Variants in CD2AP observed in about 807,000 individuals in gnomAD.
CD2AP encodes the protein CD2 associated protein.
A neutral mutation model predicts 85.1 loss-of-function variants in CD2AP; 46 were observed. That is an observed-to-expected ratio of 0.54 (90% CI 0.43 to 0.69). The LOEUF (loss-of-function observed/expected upper bound fraction) is 0.69, where lower values mean the gene tolerates loss of function less well. CD2AP is among the 30% of genes least tolerant of loss of function. The probability of loss-of-function intolerance (pLI) is 0.00; values close to 1 mark genes in which losing one functional copy is unlikely to be tolerated. For missense variants in CD2AP, 769 were observed against 729.5 expected, an observed-to-expected ratio of 1.05 and a Z score of -0.62; for synonymous variants, 255 against 252.9, an observed-to-expected ratio of 1.01 and a Z score of -0.08.
At chr6:47,497,003 C>T (rs557993777) in intron 1 of CD2AP, among the ~76,000 whole-genome samples, 4 of 152,138 alleles carry the variant, frequency 2.6e-5, no homozygotes, top group Non-Finnish European at 4.4e-5. Context: ...AATTCTTTTT[C>T]GGAATTATTA....
chr6:47,604,056 A>G (rs2114143074), intron 13 of CD2AP, among the ~76,000 whole-genome samples: 1 of 152,202 alleles, frequency 6.6e-6, no homozygotes, highest in African/African-American at 2.4e-5. Context: ...AAAATTGGCA[A>G]CCATAAAAAT....
At chr6:47,610,949 T>TTATATGTATA (rs1440078108) in intron 16 of CD2AP, among the ~76,000 whole-genome samples, 27 of 114,242 alleles carry the variant, frequency 2.4e-4, no homozygotes, top group African/African-American at 9.9e-4. Context: ...TATTTCTGAT[T>TTATATGTATA]TATATATATA....
rs79378395 is a variant in CD2AP at position 47,567,901 on chromosome 6, A to C, written c.542-6163A>C. On this transcript the variant is annotated intron_variant, in intron 5 of 17. Coordinates refer to ENST00000359314, the MANE Select transcript of CD2AP (RefSeq NM_012120.3). Reference sequence around the variant, plus strand: ...TTCAGATAAATTGGTGGCAGTATGGAGAGTGAATTGCAATGTGGGGAGTAG... The same window carrying C: ...TTCAGATAAATTGGTGGCAGTATGGCGAGTGAATTGCAATGTGGGGAGTAG... Among the ~76,000 whole-genome samples the C allele has an allele frequency of 8.2e-3, 1,256 of 152,306 alleles. 17 individuals are homozygous for C. The highest frequency in any genetic ancestry group is 0.029 in the African/African-American group (1,205 of 41,558).
At chr6:47,567,948 C>T (rs894328126) in intron 5 of CD2AP, among the ~76,000 whole-genome samples, 4 of 152,108 alleles carry the variant, frequency 2.6e-5, no homozygotes, top group Admixed American at 1.3e-4. Flanking sequence ...GACTGAGCTG[C>T]TGACGCCAGT....
intron 3 of CD2AP, among the ~76,000 whole-genome samples, chr6:47,536,826 G>T (rs1767061239): frequency 6.6e-6 from 1 of 152,158 alleles, no homozygotes; most frequent in African/African-American, 2.4e-5. Flanking sequence ...CAGCCACAAA[G>T]ATAATGGTAA....
chr6:47,518,577 C>G (rs1199048271), intron 2 of CD2AP, among the ~76,000 whole-genome samples: 1 of 152,168 alleles, frequency 6.6e-6, no homozygotes, highest in African/African-American at 2.4e-5. Context: ...TTTTCAATTT[C>G]TGAATATCAG....
In CD2AP at chr6:47,541,728, T is replaced by C. The variant is rs1283591969; in HGVS notation, c.320-2878T>C. ...ACTGTAGTGGTTTTCTAGTTCCGCA[T>C]TGTAATTTTATGGCCCAGGAAATTG... On this transcript the variant is annotated intron_variant, in intron 3 of 17. Transcript: ENST00000359314. 2.0e-5 allele frequency among the ~76,000 whole-genome samples: 3 copies of C among 152,208 alleles called. No individual in the cohort carries two copies. The East Asian group carries it at 5.8e-4, about 29-fold the overall frequency.
intron 2 of CD2AP, among the ~76,000 whole-genome samples, chr6:47,507,127 C>T (rs905230817): frequency 6.6e-6 from 1 of 152,196 alleles, no homozygotes. Flanking sequence ...CTTTGCTCCT[C>T]CATAGGAAGC....
chr6:47,626,199 A>G lies in CD2AP; in HGVS notation c.*1972A>G, dbSNP rs544203839. ...ACATGAAATCAAGATGCTTATGAGCATGGAAATGTATTTAAAGTTTTTGCT... is the reference window on the plus strand; with the variant it reads ...ACATGAAATCAAGATGCTTATGAGCGTGGAAATGTATTTAAAGTTTTTGCT... On this transcript the variant is annotated 3_prime_UTR_variant, in exon 18 of 18. Transcript: ENST00000359314. 1 of 152,048 alleles carries G rather than the reference A, an allele frequency of 6.6e-6. No homozygotes were observed. The highest frequency in any genetic ancestry group is 2.1e-4 in the South Asian group (1 of 4,826). 9.4% of individuals were successfully genotyped at this position (152,048 alleles called of 1,614,324 possible). A position where few individuals can be genotyped will look rare whatever the true frequency, so the allele number is the denominator to read the frequency against.
chr6:47,541,367 G>A (rs1425806342), intron 3 of CD2AP, among the ~76,000 whole-genome samples: 1 of 152,176 alleles, frequency 6.6e-6, no homozygotes, highest in South Asian at 2.1e-4. Context: ...CTCATGATCC[G>A]CCTGCCTCGG....
intron 1 of CD2AP, among the ~76,000 whole-genome samples, chr6:47,485,280 T>G (rs148483242): frequency 5.8e-4 from 89 of 152,270 alleles, no homozygotes; most frequent in African/African-American, 1.8e-3. Flanking sequence ...CCTATGCACG[T>G]TTTTCACCAG....
chr6:47,553,173 T>C (rs1337644458), intron 4 of CD2AP, among the ~76,000 whole-genome samples: 1 of 152,164 alleles, frequency 6.6e-6, no homozygotes, highest in Non-Finnish European at 1.5e-5. Flanking sequence ...TAGTTAACAC[T>C]GTGACTAACA....
intron 11 of CD2AP, among the ~76,000 whole-genome samples, chr6:47,585,209 A>T (rs1379106547): frequency 6.6e-6 from 1 of 151,396 alleles, no homozygotes; most frequent in East Asian, 1.9e-4. Flanking sequence ...AGGCTGAGGC[A>T]GGAGAATGGC....
chr6:47,610,091 G>C (rs1237173715), intron 16 of CD2AP, among the ~76,000 whole-genome samples: 2 of 152,122 alleles, frequency 1.3e-5, no homozygotes, highest in Non-Finnish European at 2.9e-5. Flanking sequence ...CTAGTTGAAA[G>C]TTAGGGACTT....
At position 47,477,916 on chromosome 6, in the gene CD2AP, C is replaced by T. The variant is rs886061511; in HGVS notation, c.-329C>T. 20 of 462,450 alleles carry T rather than the reference C, an allele frequency of 4.3e-5. No homozygotes were observed. Among genetic ancestry groups the T allele is most frequent in the African/African-American group, 2.3e-4 (11 of 47,408 alleles). The allele number at this position is 462,450 out of a possible 1,614,324, so 28.6% of individuals were successfully genotyped here. ...GTTGGAGCCGAGGGTCTGGGCAAAC[C>T]GGTGGGTCCCTCCCCACTGCGGGAG... On this transcript the variant is annotated 5_prime_UTR_variant, in exon 1 of 18. Transcript: ENST00000359314.
At chr6:47,551,634 T>A (rs1210793193) in intron 4 of CD2AP, among the ~76,000 whole-genome samples, 2 of 152,298 alleles carry the variant, frequency 1.3e-5, no homozygotes, top group East Asian at 3.9e-4. Context: ...TACCAAGCCA[T>A]CCCAAACTTG....
intron 2 of CD2AP, among the ~76,000 whole-genome samples, chr6:47,507,202 C>T (rs79904451): frequency 6.6e-6 from 1 of 152,176 alleles, no homozygotes. Context: ...TTATGCTTCA[C>T]TTCTAATTCT....
In CD2AP at chr6:47,609,165, A is replaced by G. The variant is rs1045739970; in HGVS notation, c.1675A>G (p.Asn559Asp). Reference sequence around the variant, plus strand: ...AACACCTTCCAGTGCTTCTAAAGCAAATACAACTGCTTTCCTGACTCCATT... The same window carrying G: ...AACACCTTCCAGTGCTTCTAAAGCAGATACAACTGCTTTCCTGACTCCATT... ...LSTPSSASKA[N>D]TTAFLTPLEI... The change falls in exon 16 of 18, where the codon AAT becomes GAT. Residue 559 changes from asparagine (N) to aspartate (D), a missense_variant. Asn to Asp is a conservative substitution (Grantham distance 23, BLOSUM62 1). Transcript: ENST00000359314. 2 of 1,613,346 alleles carry G rather than the reference A, an allele frequency of 1.2e-6. No individual in the cohort carries two copies. Among genetic ancestry groups the G allele is most frequent in the African/African-American group, 1.3e-5 (1 of 74,854 alleles).
In CD2AP at chr6:47,551,277, CAT is replaced by C. The variant is rs199709906; in HGVS notation, c.421-3368_421-3367del. Among the ~76,000 whole-genome samples, 1,201 of 152,192 alleles carry C rather than the reference CAT, an allele frequency of 7.9e-3. 14 individuals are homozygous for C. The highest frequency in any genetic ancestry group is 0.027 in the African/African-American group (1,121 of 41,540). ...AAAGTTTAATTTCACAGTTGAAGGT[CAT>C]GTTTTCAACATGTATGTTTTGATAC... is the stretch of plus-strand genomic sequence containing the variant. On this transcript the variant is annotated intron_variant, in intron 4 of 17. Transcript: ENST00000359314.
Sources: gnomAD v4.1 joint callset for allele counts (sites outside exome capture counted in the v4.1 genomes callset) on GRCh38, gnomAD v4.1.1 for gene constraint, MANE v1.5 for transcripts, NCBI Gene and HGNC (gene_info 2026-07-23, HGNC 2026-07-21) for gene names.